ME3: variants seen among roughly 807,000 people sequenced by gnomAD.
ME3 encodes the protein NADP-dependent malic enzyme, mitochondrial.
A neutral mutation model predicts 68.9 loss-of-function variants in ME3; 48 were observed. The ratio of observed to expected loss-of-function variants is 0.70; its 90% CI spans 0.55 to 0.89. The LOEUF (loss-of-function observed/expected upper bound fraction) is 0.89, where lower values mean the gene tolerates loss of function less well. ME3 is among the 40% of genes least tolerant of loss of function. The pLI is 0.00. For synonymous variants in ME3, 320 were observed against 318.8 expected, an observed-to-expected ratio of 1.00 and a Z score of -0.04; for missense variants, 675 against 797.4, an observed-to-expected ratio of 0.85 and a Z score of 1.85.
At chr11:86,559,879 G>A in intron 2 of ME3, 56 bp from the exon 3 acceptor site, 5 of 1,566,768 alleles carry the variant, frequency 3.2e-6, no homozygotes, top group Non-Finnish European at 4.3e-6. Context: ...GGAGACAAAG[G>A]AACAGAAGGG....
At chr11:86,612,903 C>T (rs1942691799) in intron 2 of ME3, among the ~76,000 whole-genome samples, 1 of 152,116 alleles carries the variant, frequency 6.6e-6, no homozygotes, top group Non-Finnish European at 1.5e-5. Flanking sequence ...TGCAGAAGCT[C>T]TTTAGTTTAA....
chr11:86,632,891 G>T (rs1265835940), intron 2 of ME3, among the ~76,000 whole-genome samples: 5 of 152,184 alleles, frequency 3.3e-5, no homozygotes, highest in African/African-American at 4.8e-5. Context: ...AAACACAACG[G>T]TGAGGAAGGG....
At chr11:86,518,862 G>A (rs1452616950) in intron 4 of ME3, among the ~76,000 whole-genome samples, 1 of 152,172 alleles carries the variant, frequency 6.6e-6, no homozygotes, top group Non-Finnish European at 1.5e-5. Flanking sequence ...GGAAGAAATA[G>A]CCAAGGGATG....
chr11:86,662,736 A>T (rs990226645), intron 2 of ME3, among the ~76,000 whole-genome samples: 10 of 152,260 alleles, frequency 6.6e-5, no homozygotes, highest in Non-Finnish European at 1.3e-4. Flanking sequence ...TGCATGTCCT[A>T]AAAACATTAG....
At chr11:86,618,956 G>A (rs563499516) in intron 2 of ME3, among the ~76,000 whole-genome samples, 127 of 152,136 alleles carry the variant, frequency 8.3e-4, no homozygotes, top group African/African-American at 2.8e-3. Context: ...TGATCCACCC[G>A]CCTTGGCCTC....
intron 2 of ME3, among the ~76,000 whole-genome samples, chr11:86,562,190 G>T: frequency 6.6e-6 from 1 of 152,044 alleles, no homozygotes. Context: ...TTTTCAGACT[G>T]GCTTCTTTTA....
At chr11:86,472,967 G>A (rs1470680152) in intron 7 of ME3, among the ~76,000 whole-genome samples, 1 of 152,232 alleles carries the variant, frequency 6.6e-6, no homozygotes, top group Non-Finnish European at 1.5e-5. Context: ...ACGTTCTAAC[G>A]AACGTGTTCA....
chr11:86,569,008 C>T (rs142391655), intron 2 of ME3, among the ~76,000 whole-genome samples: 41 of 152,318 alleles, frequency 2.7e-4, no homozygotes, highest in Middle Eastern at 6.8e-3. Flanking sequence ...AAGTGCTGCC[C>T]ATTTCATGTG....
At chr11:86,487,873 G>T (rs796552737) in intron 6 of ME3, among the ~76,000 whole-genome samples, 216 of 152,316 alleles carry the variant, frequency 1.4e-3, no homozygotes, top group African/African-American at 4.8e-3. Flanking sequence ...ACTCGCAGTT[G>T]TGGCCATCAA....
intron 2 of ME3, among the ~76,000 whole-genome samples, chr11:86,594,686 A>G (rs1959189668): frequency 6.9e-6 from 1 of 145,970 alleles, no homozygotes; most frequent in Non-Finnish European, 1.5e-5. Context: ...TCAAAAAACA[A>G]TACAAAAAAA....
At chr11:86,560,770 A>ATATATATATATATATT (rs1405684410) in intron 2 of ME3, among the ~76,000 whole-genome samples, 2,987 of 131,006 alleles carry the variant, frequency 0.023, 43 homozygotes, top group Non-Finnish European at 0.038. Flanking sequence ...ATATATATAT[A>ATATATATATATATATT]TATTTCCAGG....
At chr11:86,583,683 A>T (rs1958571142) in intron 2 of ME3, among the ~76,000 whole-genome samples, 1 of 152,166 alleles carries the variant, frequency 6.6e-6, no homozygotes. Context: ...ATTAGAAGAG[A>T]CTTCCCTGAG....
chr11:86,443,339 G>T (rs939400351), intron 13 of ME3, among the ~76,000 whole-genome samples: 3 of 152,160 alleles, frequency 2.0e-5, no homozygotes, highest in African/African-American at 7.2e-5. Context: ...TTATGTCTTT[G>T]TGTTCAGTCT....
At chr11:86,657,494 T>C (rs4291698) in intron 2 of ME3, among the ~76,000 whole-genome samples, 66,870 of 146,586 alleles carry the variant, frequency 0.46, 16,919 homozygotes, top group Non-Finnish European at 0.57. Context: ...AGGGGAGGGA[T>C]AGCATTACCA....
chr11:86,439,991 C>T (rs1452136), downstream of ME3, among the ~76,000 whole-genome samples: 16,362 of 152,132 alleles, frequency 0.11, 1,437 homozygotes, highest in African/African-American at 0.24. Flanking sequence ...GGCTGAGCAC[C>T]AGCACCAAGG....
At chr11:86,654,520 GA>G (rs1945714905) in intron 2 of ME3, among the ~76,000 whole-genome samples, 1 of 152,208 alleles carries the variant, frequency 6.6e-6, no homozygotes, top group Non-Finnish European at 1.5e-5. Context: ...AATAGATGCA[GA>G]AAAGGCCTTT....
intron 2 of ME3, among the ~76,000 whole-genome samples, chr11:86,598,773 C>G (rs1960031230): frequency 1.3e-5 from 2 of 152,216 alleles, no homozygotes; most frequent in South Asian, 4.1e-4. Flanking sequence ...AACTATCAGA[C>G]AGCAGCATTC....
rs188498987 is a variant in ME3 at position 86,463,084 on chromosome 11, A to G, written c.919+2007T>C. On this transcript the variant is annotated intron_variant, in intron 8 of 14. Coordinates refer to ENST00000543262, the Ensembl canonical transcript of ME3. The stretch of plus-strand genomic sequence containing the variant: ...TGAAGAGAGGGTGGCATAGTGAGTG[A>G]TAGTTTCATCTCAGAGGCACATTAT... Among the ~76,000 whole-genome samples the G allele has an allele frequency of 5.9e-5, 9 of 152,298 alleles. No homozygotes were observed. In the East Asian group the frequency reaches 1.4e-3, roughly 23 times the overall value.
At chr11:86,459,583 A>G (rs1472730482) in intron 8 of ME3, among the ~76,000 whole-genome samples, 1 of 151,458 alleles carries the variant, frequency 6.6e-6, no homozygotes, top group Non-Finnish European at 1.5e-5. Context: ...TGCTGGCCTT[A>G]TAAAAAAACC....
Sources: allele counts gnomAD v4.1 joint callset (sites outside exome capture counted in the v4.1 genomes callset), GRCh38; gene constraint gnomAD v4.1.1; transcripts MANE v1.5; gene names NCBI Gene and HGNC (gene_info 2026-07-23, HGNC 2026-07-21).